ZNF521: variants seen among roughly 807,000 people sequenced by gnomAD.
ZNF521 encodes LYST-interacting protein 3.
Under a neutral mutation model 105.5 loss-of-function variants are expected in ZNF521, and 14 were observed. The observed-to-expected ratio is 0.13, with a 90% confidence interval of 0.09 to 0.21. The LOEUF (loss-of-function observed/expected upper bound fraction) is 0.21, where lower values mean the gene tolerates loss of function less well. ZNF521 is among the 10% of genes least tolerant of loss of function. The pLI is 1.00. For missense variants in ZNF521, 1,233 were observed against 1,629.7 expected (o/e 0.76, Z 4.19); for synonymous variants, 635 against 606.0 (o/e 1.05, Z -0.70).
At chr18:25,080,958 C>T (rs557966261) in intron 7 of ZNF521, among the ~76,000 whole-genome samples, 6 of 152,338 alleles carry the variant, frequency 3.9e-5, no homozygotes, top group South Asian at 2.1e-4. Context: ...ACTACAAAGG[C>T]GCTGAGACAG....
intron 5 of ZNF521, among the ~76,000 whole-genome samples, chr18:25,151,570 T>C (rs2035048251): frequency 6.6e-6 from 1 of 152,182 alleles, no homozygotes; most frequent in Non-Finnish European, 1.5e-5. Flanking sequence ...TGGGAGGTGG[T>C]GAGTCTTTAG....
At chr18:25,216,585 G>A (rs538981690) in intron 4 of ZNF521, among the ~76,000 whole-genome samples, 7 of 152,272 alleles carry the variant, frequency 4.6e-5, no homozygotes, top group African/African-American at 1.7e-4. Context: ...TTGATACAGG[G>A]TCTCACTCTG....
At chr18:25,221,318 G>A (rs1905712688) in intron 4 of ZNF521, among the ~76,000 whole-genome samples, 1 of 152,126 alleles carries the variant, frequency 6.6e-6, no homozygotes, top group South Asian at 2.1e-4. Flanking sequence ...TTGGATTGCA[G>A]GGTTTTATAT....
chr18:25,198,433 C>G (rs1216747882), intron 4 of ZNF521, among the ~76,000 whole-genome samples: 1 of 151,444 alleles, frequency 6.6e-6, no homozygotes, highest in Non-Finnish European at 1.5e-5. Flanking sequence ...AACCCTATTC[C>G]CCTCCATTCC....
chr18:25,293,915 T>C (rs190105020), intron 3 of ZNF521, among the ~76,000 whole-genome samples: 1 of 152,288 alleles, frequency 6.6e-6, no homozygotes, highest in Non-Finnish European at 1.5e-5. Context: ...TTAAAGATAA[T>C]TTTTTTCTTA....
chr18:25,186,305 T>C (rs2035721424), intron 5 of ZNF521, among the ~76,000 whole-genome samples: 2 of 152,202 alleles, frequency 1.3e-5, no homozygotes, highest in African/African-American at 2.4e-5. Flanking sequence ...AATTGGATAT[T>C]AACCAGAACA....
chr18:25,261,632 T>C (rs1600226944), intron 3 of ZNF521, among the ~76,000 whole-genome samples: 1 of 152,146 alleles, frequency 6.6e-6, no homozygotes, highest in Non-Finnish European at 1.5e-5. Flanking sequence ...CTCCCTTCTC[T>C]CCTCTATTTT....
intron 5 of ZNF521, among the ~76,000 whole-genome samples, chr18:25,143,525 C>T (rs981454360): frequency 1.3e-5 from 2 of 152,008 alleles, no homozygotes; most frequent in Admixed American, 1.3e-4. Flanking sequence ...AACTGCTAGC[C>T]TTCAGTTTAA....
At chr18:25,251,285 T>G (rs1047378304) in intron 3 of ZNF521, among the ~76,000 whole-genome samples, 10 of 152,234 alleles carry the variant, frequency 6.6e-5, no homozygotes, top group Admixed American at 2.0e-4. Flanking sequence ...CTGCTTTTTA[T>G]GTAAAACTGC....
intron 7 of ZNF521, among the ~76,000 whole-genome samples, chr18:25,070,027 C>A (rs2033178156): frequency 6.6e-6 from 1 of 152,170 alleles, no homozygotes; most frequent in South Asian, 2.1e-4. Context: ...TGGGCTTGGT[C>A]TGACATCTCA....
At chr18:25,269,506 A>ACC (rs1909497926) in intron 3 of ZNF521, among the ~76,000 whole-genome samples, 1 of 152,132 alleles carries the variant, frequency 6.6e-6, no homozygotes, top group African/African-American at 2.4e-5. Flanking sequence ...AGCACCACGT[A>ACC]GCACTTATTC....
At chr18:25,295,521 A>G (rs1368830028) in intron 3 of ZNF521, among the ~76,000 whole-genome samples, 2 of 152,044 alleles carry the variant, frequency 1.3e-5, no homozygotes, top group African/African-American at 4.8e-5. Context: ...CAGATACCCC[A>G]TTTACCTTGA....
intron 3 of ZNF521, among the ~76,000 whole-genome samples, chr18:25,246,472 T>TC (rs1294915856): frequency 6.6e-6 from 1 of 152,192 alleles, no homozygotes. Flanking sequence ...GATCCTATTT[T>TC]CCTTTTTCCC....
intron 5 of ZNF521, among the ~76,000 whole-genome samples, chr18:25,169,997 G>A (rs997086771): frequency 6.6e-6 from 1 of 152,050 alleles, no homozygotes; most frequent in African/African-American, 2.4e-5. Flanking sequence ...TACTGATCTA[G>A]GGTGTATTCT....
At chr18:25,257,751 C>T (rs1211420095) in intron 3 of ZNF521, among the ~76,000 whole-genome samples, 1 of 152,134 alleles carries the variant, frequency 6.6e-6, no homozygotes, top group Non-Finnish European at 1.5e-5. Context: ...TTTTCAAATT[C>T]CTTATATCTC....
chr18:25,230,071 A>T (rs534490200), intron 3 of ZNF521, among the ~76,000 whole-genome samples: 354 of 152,278 alleles, frequency 2.3e-3, no homozygotes, highest in Non-Finnish European at 3.0e-3. Flanking sequence ...AATTTCAGTG[A>T]CACGTCAAGT....
At chr18:25,258,212 G>T (rs1238127389) in intron 3 of ZNF521, among the ~76,000 whole-genome samples, 2 of 152,120 alleles carry the variant, frequency 1.3e-5, no homozygotes, top group African/African-American at 4.8e-5. Flanking sequence ...CACTTGCTTT[G>T]TTTCACATTT....
rs541919153 is a variant in ZNF521, at chr18:25,231,517, A to C, written c.221-3820T>G. On this transcript the variant is annotated intron_variant, in intron 3 of 7. Transcript: ENST00000361524. Reference sequence around the variant, plus strand: ...CCCCTCGTGTGCCAACCTGGGGAGGAGGAAGCAGAGACTGGACGTGATTTG... The same window carrying C: ...CCCCTCGTGTGCCAACCTGGGGAGGCGGAAGCAGAGACTGGACGTGATTTG... 2.6e-5 allele frequency: 4 copies of C among 152,390 alleles called. No individual in the cohort carries two copies. The South Asian group carries it at 8.3e-4, about 32-fold the overall frequency. 9.4% of individuals were successfully genotyped at this position (152,390 alleles called of 1,614,324 possible).
chr18:25,220,602 C>T (rs1394255584), intron 4 of ZNF521, among the ~76,000 whole-genome samples: 1 of 152,180 alleles, frequency 6.6e-6, no homozygotes, highest in African/African-American at 2.4e-5. Flanking sequence ...AGATGGTCTA[C>T]ACTGTTCCTT....
Sources: allele counts gnomAD v4.1 joint callset (sites outside exome capture counted in the v4.1 genomes callset), GRCh38; gene constraint gnomAD v4.1.1; transcripts MANE v1.5; gene names NCBI Gene and HGNC (gene_info 2026-07-23, HGNC 2026-07-21).